The following CTNNA3 variants were observed in gnomAD, a reference collection of about 807,000 sequenced individuals.
The protein encoded by CTNNA3 is catenin alpha 3.
Under a neutral mutation model 95.7 loss-of-function variants are expected in CTNNA3, and 76 were observed. The observed-to-expected ratio is 0.79, with a 90% confidence interval of 0.66 to 0.96. The LOEUF (loss-of-function observed/expected upper bound fraction) is 0.96. Among genes scored for constraint, CTNNA3 ranks in the 40% least tolerant of loss-of-function variants. The pLI is 0.00. For missense variants in CTNNA3, 1,191 were observed against 1,089.8 expected, an observed-to-expected ratio of 1.09 and a Z score of -1.31; for synonymous variants, 431 against 374.4, an observed-to-expected ratio of 1.15 and a Z score of -1.74.
intron 9 of CTNNA3, among the ~76,000 whole-genome samples, chr10:66,691,662 G>A (rs1282238522): frequency 6.6e-6 from 1 of 152,202 alleles, no homozygotes; most frequent in Non-Finnish European, 1.5e-5. Context: ...GCCTCCTCAA[G>A]TGGGTCCCTG....
chr10:66,202,270 C>T (rs1033389638), intron 13 of CTNNA3, among the ~76,000 whole-genome samples: 10 of 152,126 alleles, frequency 6.6e-5, no homozygotes, highest in East Asian at 1.9e-4. Flanking sequence ...CTCAGTACAC[C>T]GTGAACTAAA....
intron 6 of CTNNA3, among the ~76,000 whole-genome samples, chr10:67,188,089 C>A (rs138865810): frequency 6.6e-6 from 1 of 152,130 alleles, no homozygotes; most frequent in Non-Finnish European, 1.5e-5. Context: ...AAGAAAATCA[C>A]AAAAATACGT....
rs1314458381 is a variant in CTNNA3 at position 66,498,542 on chromosome 10, C to T, written c.1531+22075G>A. Among the ~76,000 whole-genome samples the T allele has an allele frequency of 4.6e-5, 7 of 152,084 alleles. No individual in the cohort carries two copies. In the South Asian group the frequency reaches 6.2e-4, roughly 14 times the overall value. On this transcript the variant is annotated intron_variant, in intron 11 of 17. Transcript: ENST00000433211. ...TGAAAGACATATAAATCCCACATTT[C>T]GTATCACTTGTTAGTGTCTAATTAA... is the stretch of plus-strand genomic sequence containing the variant.
At chr10:66,106,253 T>G (rs950928491) in intron 13 of CTNNA3, among the ~76,000 whole-genome samples, 2 of 150,794 alleles carry the variant, frequency 1.3e-5, no homozygotes, top group East Asian at 2.0e-4. Context: ...GGAGGGATGA[T>G]AGAGTACCCT....
rs1341591560 is a variant in CTNNA3 at position 67,237,140 on chromosome 10, A to AC, written c.580-17271_580-17270insG. 3.0e-3 allele frequency among the ~76,000 whole-genome samples: 184 copies of AC among 60,386 alleles called. 5 individuals are homozygous for AC. In the East Asian group the frequency reaches 0.035, roughly 12 times the overall value. The allele number at this position is 60,386 out of a possible 152,430, so 39.6% of individuals were successfully genotyped here. A position where few individuals can be genotyped will look rare whatever the true frequency, so the allele number is the denominator to read the frequency against. Reference sequence around the variant, plus strand: ...CTATGGTGTATGTATATATATATATATATATATATATATATATATATATAT... The same window carrying AC: ...CTATGGTGTATGTATATATATATATACTATATATATATATATATATATATAT... On this transcript the variant is annotated intron_variant, in intron 5 of 17. Coordinates refer to ENST00000433211, the MANE Select transcript of CTNNA3 (RefSeq NM_013266.4).
chr10:66,060,629 T>C (rs936305255), intron 15 of CTNNA3, among the ~76,000 whole-genome samples: 3 of 151,956 alleles, frequency 2.0e-5, no homozygotes, highest in Non-Finnish European at 2.9e-5. Flanking sequence ...GCAGAAAGAC[T>C]TAGGTATGAT....
At chr10:67,596,326 T>A (rs557260958) in intron 3 of CTNNA3, among the ~76,000 whole-genome samples, 3 of 152,288 alleles carry the variant, frequency 2.0e-5, no homozygotes, top group South Asian at 2.1e-4. Flanking sequence ...GCAATTTTTT[T>A]AATTTTTACA....
intron 1 of CTNNA3, among the ~76,000 whole-genome samples, chr10:67,669,102 G>A (rs1840385039): frequency 6.6e-6 from 1 of 151,654 alleles, no homozygotes. Context: ...CCTCCCAAAG[G>A]GCCTATTGTA....
intron 5 of CTNNA3, among the ~76,000 whole-genome samples, chr10:67,289,192 C>A (rs190871818): frequency 4.6e-4 from 70 of 152,194 alleles, no homozygotes; most frequent in African/African-American, 1.7e-3. Flanking sequence ...TGCATGCCTT[C>A]TGGGTATTCA....
At chr10:66,086,572 T>G (rs983862850) in intron 14 of CTNNA3, among the ~76,000 whole-genome samples, 1 of 152,146 alleles carries the variant, frequency 6.6e-6, no homozygotes, top group East Asian at 1.9e-4. Flanking sequence ...CACACACGTT[T>G]AAAACAAAAA....
intron 11 of CTNNA3, among the ~76,000 whole-genome samples, chr10:66,385,953 G>T (rs1419515086): frequency 6.6e-6 from 1 of 152,074 alleles, no homozygotes; most frequent in East Asian, 1.9e-4. Context: ...ACAATAATAA[G>T]AGCTATTTAT....
intron 14 of CTNNA3, among the ~76,000 whole-genome samples, chr10:66,072,443 T>TTTTTG (rs10674853): frequency 6.6e-5 from 10 of 151,042 alleles, no homozygotes; most frequent in Non-Finnish European, 1.2e-4. Context: ...CATTTTCTTG[T>TTTTTG]TTTTGTTTTG....
chr10:66,805,425 GAATT>G (rs957636857), intron 7 of CTNNA3, among the ~76,000 whole-genome samples: 1 of 150,356 alleles, frequency 6.7e-6, no homozygotes, highest in Non-Finnish European at 1.5e-5. Flanking sequence ...TTTGAAGACT[GAATT>G]AATTATGTGT....
chr10:66,494,622 T>TAGA (rs56881106), intron 11 of CTNNA3, among the ~76,000 whole-genome samples: 23,419 of 151,978 alleles, frequency 0.15, 3,626 homozygotes, highest in East Asian at 0.77. Context: ...GAGTAGAAGA[T>TAGA]AGAAGAGAAA....
At chr10:66,417,996 C>T (rs543620711) in intron 11 of CTNNA3, among the ~76,000 whole-genome samples, 16 of 149,476 alleles carry the variant, frequency 1.1e-4, no homozygotes, top group Admixed American at 4.0e-4. Flanking sequence ...TAGCAGGAGG[C>T]AAGAAATAAT....
chr10:66,042,540 TTAGA>T (rs565138928), intron 15 of CTNNA3, among the ~76,000 whole-genome samples: 8 of 151,862 alleles, frequency 5.3e-5, no homozygotes, highest in Non-Finnish European at 1.2e-4. Context: ...TTGATGAGAT[TTAGA>T]TAAAGAGGGT....
intron 9 of CTNNA3, among the ~76,000 whole-genome samples, chr10:66,643,045 T>C (rs1242527978): frequency 6.6e-6 from 1 of 152,144 alleles, no homozygotes; most frequent in Non-Finnish European, 1.5e-5. Flanking sequence ...TGGAGATAGA[T>C]ACAGAGAGGT....
intron 7 of CTNNA3, among the ~76,000 whole-genome samples, chr10:66,898,302 T>C (rs1403508405): frequency 6.6e-6 from 1 of 152,166 alleles, no homozygotes; most frequent in Non-Finnish European, 1.5e-5. Context: ...TATAGTAAGG[T>C]TGTTCTTTGT....
intron 12 of CTNNA3, among the ~76,000 whole-genome samples, chr10:66,316,007 C>A (rs1314878502): frequency 6.6e-6 from 1 of 152,028 alleles, no homozygotes; most frequent in South Asian, 2.1e-4. Context: ...CCAATTTTAA[C>A]GAAGGTTAAT....
Sources: gnomAD v4.1 joint callset for allele counts (sites outside exome capture counted in the v4.1 genomes callset) on GRCh38, gnomAD v4.1.1 for gene constraint, MANE v1.5 for transcripts, NCBI Gene and HGNC (gene_info 2026-07-23, HGNC 2026-07-21) for gene names.